ERO1B: variants seen among roughly 807,000 people sequenced by gnomAD.
ERO1B encodes the protein ERO1-like protein beta.
A neutral mutation model predicts 75.3 loss-of-function variants in ERO1B; 49 were observed. The ratio of observed to expected loss-of-function variants is 0.65; its 90% CI spans 0.52 to 0.83. The LOEUF (loss-of-function observed/expected upper bound fraction) is 0.83. ERO1B is among the 40% of genes least tolerant of loss of function. The pLI is 0.00. For missense variants in ERO1B, 512 were observed against 560.1 expected (o/e 0.91, Z 0.87); for synonymous variants, 191 against 192.9 (o/e 0.99, Z 0.08).
intron 1 of ERO1B, among the ~76,000 whole-genome samples, chr1:236,279,827 G>C (rs572324553): frequency 1.6e-5 from 2 of 128,972 alleles, no homozygotes; most frequent in African/African-American, 6.0e-5. Context: ...CTGGCCAACA[G>C]AGTGAGACAC....
chr1:236,221,479 T>G (rs889073540), intron 14 of ERO1B, among the ~76,000 whole-genome samples: 2 of 152,228 alleles, frequency 1.3e-5, no homozygotes, highest in Non-Finnish European at 2.9e-5. Flanking sequence ...TGACACTGGC[T>G]TACACAGAGT....
Position 236,252,133 on chromosome 1 carries a change from T to G in ERO1B, c.307-42A>C, listed in dbSNP as rs181237303. ...AAGCAAAAAAATTTTTAAGTGATCT[T>G]TATTTTTTTTGGAATTTCTTCACGA... On this transcript the variant is annotated intron_variant, in intron 3 of 15. Coordinates refer to ENST00000354619, the MANE Select transcript of ERO1B (RefSeq NM_019891.4). 9.0e-4 allele frequency: 1,214 copies of G among 1,341,828 alleles called. 7 individuals carry two copies. Among genetic ancestry groups the G allele is most frequent in the Middle Eastern group, 5.8e-3 (31 of 5,342 alleles). The allele number at this position is 1,341,828 out of a possible 1,614,324, so 83.1% of individuals were successfully genotyped here.
At chr1:236,232,350 A>G (rs1664429348) in intron 9 of ERO1B, among the ~76,000 whole-genome samples, 1 of 152,212 alleles carries the variant, frequency 6.6e-6, no homozygotes. Context: ...TTCAGTTGAA[A>G]TAATTATTTT....
chr1:236,270,909 A>G (rs1257290758), intron 1 of ERO1B, among the ~76,000 whole-genome samples: 1 of 152,184 alleles, frequency 6.6e-6, no homozygotes, highest in Non-Finnish European at 1.5e-5. Flanking sequence ...GTGGTTATAA[A>G]AGGGCAACAG....
intron 2 of ERO1B, among the ~76,000 whole-genome samples, chr1:236,263,820 C>T (rs1397604582): frequency 5.3e-5 from 4 of 75,314 alleles, no homozygotes; most frequent in South Asian, 9.6e-4. Flanking sequence ...TCAGTAGTAT[C>T]GCTATGTTGC....
chr1:236,272,103 G>A (rs1665602613), intron 1 of ERO1B, among the ~76,000 whole-genome samples: 1 of 152,174 alleles, frequency 6.6e-6, no homozygotes, highest in African/African-American at 2.4e-5. Context: ...TACACTGTTA[G>A]TGGGAATGCA....
chr1:236,249,500 G>A (rs1726641), intron 5 of ERO1B, among the ~76,000 whole-genome samples: 37,704 of 151,946 alleles, frequency 0.25, 4,853 homozygotes, highest in East Asian at 0.38. Flanking sequence ...AAAAATCTAC[G>A]AAATTTAACA....
chr1:236,220,790 C>A, intron 15 of ERO1B, 42 bp downstream of exon 15: 1 of 1,492,674 alleles, frequency 6.7e-7, no homozygotes, highest in Non-Finnish European at 8.9e-7. Context: ...TTGTTGAAAC[C>A]CAATGGGAAA....
rs551488912 is a variant in ERO1B, at chr1:236,221,810, C to T, written c.1209+114G>A. The T allele has an allele frequency of 1.2e-5, 9 of 768,846 alleles. No individual in the cohort carries two copies. In the South Asian group the frequency reaches 1.4e-4, roughly 12 times the overall value. 47.6% of individuals were successfully genotyped at this position (768,846 alleles called of 1,614,324 possible). A position where few individuals can be genotyped will look rare whatever the true frequency, so the allele number is the denominator to read the frequency against. On this transcript the variant is annotated intron_variant, in intron 14 of 15. Transcript: ENST00000354619. ...CAACAGAAAAAACACCTTGGATCTG[C>T]CTATTCCTAAATTCTAATTCAATGA...
At chr1:236,249,833 ATTC>A in intron 5 of ERO1B, 49 bp downstream of exon 5, 1 of 1,298,558 alleles carries the variant, frequency 7.7e-7, no homozygotes, top group Non-Finnish European at 1.1e-6. Flanking sequence ...TAAAAAATTG[ATTC>A]TTGATATCAA....
intron 1 of ERO1B, among the ~76,000 whole-genome samples, chr1:236,280,014 G>T (rs1185514441): frequency 1.3e-5 from 2 of 152,124 alleles, no homozygotes; most frequent in Non-Finnish European, 2.9e-5. Flanking sequence ...GGCAGGCCAG[G>T]TACAGTGGCT....
chr1:236,235,698 T>C (rs1572038879), intron 8 of ERO1B, 91 bp downstream of exon 8: 4 of 1,153,450 alleles, frequency 3.5e-6, no homozygotes, highest in Admixed American at 4.6e-5. Flanking sequence ...AAACAAAATA[T>C]AAAAATGAAA....
intron 13 of ERO1B, among the ~76,000 whole-genome samples, chr1:236,224,433 T>C (rs921386920): frequency 4.1e-5 from 6 of 148,000 alleles, no homozygotes; most frequent in Non-Finnish European, 6.0e-5. Context: ...CTGGGCAACA[T>C]AGCGAGACCC....
At chr1:236,222,730 T>C (rs1664184401) in intron 13 of ERO1B, among the ~76,000 whole-genome samples, 1 of 152,218 alleles carries the variant, frequency 6.6e-6, no homozygotes, top group Non-Finnish European at 1.5e-5. Context: ...ATCAGAAAGC[T>C]AGTCCTAGAA....
Position 236,230,246 on chromosome 1 carries a change from T to A in ERO1B, c.690A>T (p.Glu230Asp). The change falls in exon 10 of 16, where the codon GAA becomes GAT. Residue 230 changes from glutamate (E) to aspartate (D), a missense_variant. By Grantham distance (45) the Glu-to-Asp change is conservative (BLOSUM62 2). Transcript: ENST00000354619. ...LAPSRGEDDG[E>D]SFYTWLEGLC... ...TACCTTCTAGCCATGTGTAGAATGA[T>A]TCTCCTGAGAGAGAGAGAAAAGTGG... 1 of 1,593,378 alleles carries A rather than the reference T, an allele frequency of 6.3e-7. No homozygotes were observed. The highest frequency in any genetic ancestry group is 8.6e-7 in the Non-Finnish European group (1 of 1,163,092).
At position 236,252,057 on chromosome 1, in the gene ERO1B, G is replaced by A; in HGVS notation, c.341C>T (p.Ser114Phe). The change falls in exon 4 of 16, where the codon TCT (serine) becomes TTT (phenylalanine). Residue 114 changes from serine (S) to phenylalanine (F), a missense_variant. Ser to Phe is a radical substitution (Grantham distance 155). Transcript: ENST00000354619. ...GGAAGAGGAGGGACTTACCTTATTA[G>A]AATGCCCAGCTTTTATTCCAACCGG... ...KIPVGIKAGH[S>F]NKYLKMANNT... The A allele has an allele frequency of 1.2e-6, 2 of 1,600,768 alleles. No homozygotes were observed. The highest frequency in any genetic ancestry group is 1.7e-6 in the Non-Finnish European group (2 of 1,171,380).
At chr1:236,280,031 T>G (rs1050196288) in intron 1 of ERO1B, among the ~76,000 whole-genome samples, 5 of 152,198 alleles carry the variant, frequency 3.3e-5, no homozygotes, top group African/African-American at 1.2e-4. Flanking sequence ...GGCTCACACC[T>G]GTAATCCCAG....
At position 236,225,052 on chromosome 1, in the gene ERO1B, CAATCGAGAACTTTTTACCTTTAGTGACT is replaced by C. The variant is rs1481301482; in HGVS notation, c.1112_1122+17del. On this transcript the variant is annotated splice_donor_variant and splice_donor_5th_base_variant and coding_sequence_variant and intron_variant, in exon 13 of 16. Coordinates refer to ENST00000354619, the MANE Select transcript of ERO1B (RefSeq NM_019891.4). LOFTEE classifies it high-confidence loss of function. ...GCAAACTGCTCCCAACCCCGTGTCC[CAATCGAGAACTTTTTACCTTTAGTGACT>C]TGGCCCCTTTTTTGTCACCTGCAAA... is the stretch of plus-strand genomic sequence containing the variant. The C allele has an allele frequency of 6.2e-7, 1 of 1,612,324 alleles. No homozygotes were observed. Among genetic ancestry groups the C allele is most frequent in the African/African-American group, 1.3e-5 (1 of 74,868 alleles).
chr1:236,226,940 T>C (rs941229176), intron 10 of ERO1B, among the ~76,000 whole-genome samples: 1 of 152,180 alleles, frequency 6.6e-6, no homozygotes, highest in African/African-American at 2.4e-5. Flanking sequence ...TAACTGAATA[T>C]GATGAGAACT....
Sources: allele counts gnomAD v4.1 joint callset (sites outside exome capture counted in the v4.1 genomes callset), GRCh38; gene constraint gnomAD v4.1.1; transcripts MANE v1.5; gene names NCBI Gene and HGNC (gene_info 2026-07-23, HGNC 2026-07-21).